The following SLC52A1 variants were observed in gnomAD, a reference collection of about 807,000 sequenced individuals.
SLC52A1 encodes solute carrier family 52 member 1, also known as solute carrier family 52, riboflavin transporter, member 1.
Under a neutral mutation model 23.2 loss-of-function variants are expected in SLC52A1, and 20 were observed. The ratio of observed to expected loss-of-function variants is 0.86; its 90% CI spans 0.61 to 1.25. The LOEUF is 1.25. Among genes scored for constraint, SLC52A1 ranks in the 50% most tolerant of loss-of-function variants. The probability of loss-of-function intolerance (pLI) is 0.00; values close to 1 mark genes in which losing one functional copy is unlikely to be tolerated. For missense variants in SLC52A1, 528 were observed against 557.0 expected (o/e 0.95, Z 0.52); for synonymous variants, 260 against 256.6 (o/e 1.01, Z -0.13).
At chr17:5,037,246 G>A (rs191603349), upstream of SLC52A1, among the ~76,000 whole-genome samples, 144 of 152,266 alleles carry the variant, frequency 9.5e-4, 4 homozygotes, top group East Asian at 9.9e-3. Flanking sequence ...TAGGCCAGGC[G>A]TGGTGGCTCA....
rs1473524198 is a variant in SLC52A1 at position 5,033,509 on chromosome 17, G to A, written c.980C>T (p.Ala327Val). Reference protein sequence around the residue: ...VVLGSAANPLACFLAMGVLCR... With the variant: ...VVLGSAANPLVCFLAMGVLCR... ...CAGCACGCCCATGGCCAGGAAGCAG[G>A]CAAGGGGGTTGGCGGCACTGCCCAG... is the stretch of plus-strand genomic sequence containing the variant. Residue 327 changes from alanine (A) to valine (V), a missense_variant, in exon 3 of 5, where the codon GCC (alanine) becomes GTC (valine). Transcript: ENST00000254853. 1 of 1,612,834 alleles carries A rather than the reference G, an allele frequency of 6.2e-7. No homozygotes were observed. The highest frequency in any genetic ancestry group is 1.7e-5 in the Admixed American group (1 of 59,886).
At chr17:5,040,524 G>A (rs971746165) in intron 1 of SLC52A1, among the ~76,000 whole-genome samples, 4 of 152,140 alleles carry the variant, frequency 2.6e-5, no homozygotes, top group Non-Finnish European at 5.9e-5. Context: ...GATAAGATCT[G>A]TCATTGTGGT....
chr17:5,036,040 CTTTTTTTTTT>C (rs34027393), upstream of SLC52A1, among the ~76,000 whole-genome samples: 1 of 69,796 alleles, frequency 1.4e-5, no homozygotes, highest in Non-Finnish European at 2.6e-5. Context: ...TGTTTTTACA[CTTTTTTTTTT>C]TTTTTTTTTT....
chr17:5,040,827 A>G (rs1024420711), intron 1 of SLC52A1, among the ~76,000 whole-genome samples: 4 of 148,640 alleles, frequency 2.7e-5, no homozygotes, highest in African/African-American at 9.9e-5. Context: ...ATGGAGTCTC[A>G]CTCTGTAACC....
At chr17:5,040,201 T>C (rs967387051), upstream of SLC52A1, among the ~76,000 whole-genome samples, 8 of 151,882 alleles carry the variant, frequency 5.3e-5, no homozygotes, top group African/African-American at 1.7e-4. Flanking sequence ...TGAGACAGGG[T>C]GTTGCTCTGT....
At chr17:5,038,548 C>T (rs1308702787), upstream of SLC52A1, among the ~76,000 whole-genome samples, 1 of 152,102 alleles carries the variant, frequency 6.6e-6, no homozygotes, top group African/African-American at 2.4e-5. Flanking sequence ...GTTTCTAATA[C>T]TCCAAGAGGA....
chr17:5,032,935 T>C lies in SLC52A1; in HGVS notation c.*22A>G, dbSNP rs747981648. ...CACGATGAAGACAGGTGGGGTGGAG[T>C]TGGGTCCCCACCTGCCCAGGCTCAG... is the stretch of plus-strand genomic sequence containing the variant. On this transcript the variant is annotated 3_prime_UTR_variant, in exon 5 of 5. Transcript: ENST00000254853. 22 of 1,594,850 alleles carry C rather than the reference T, an allele frequency of 1.4e-5. No individual in the cohort carries two copies. The African/African-American group carries it at 2.8e-4, about 20-fold the overall frequency.
intron 1 of SLC52A1, among the ~76,000 whole-genome samples, chr17:5,042,319 G>C (rs1468701055): frequency 6.6e-6 from 1 of 152,138 alleles, no homozygotes; most frequent in Admixed American, 6.6e-5. Flanking sequence ...TCCCGTGTCT[G>C]TGTAGAGAAA....
rs72822610 is a variant in SLC52A1, at chr17:5,033,041, A to T, written c.1263T>A (p.Leu421=). Residue 421 remains leucine, a synonymous_variant, in exon 5 of 5, where the codon CTT becomes CTA. Coordinates refer to ENST00000254853, the MANE Select transcript of SLC52A1 (RefSeq NM_017986.4). ...AGVAIQVGSL[L]GAGAMFPPTS... ...TGGGAGGGAACATGGCACCGGCACC[A>T]AGCAGGGAGCCCACTTGGATGGCCA... 0.14 allele frequency: 222,046 copies of T among 1,613,508 alleles called. 16,168 individuals carry two copies. The highest frequency in any genetic ancestry group is 0.14 in the Non-Finnish European group (171,073 of 1,179,966).
chr17:5,037,931 T>G (rs1001490164), upstream of SLC52A1, among the ~76,000 whole-genome samples: 4 of 147,206 alleles, frequency 2.7e-5, no homozygotes, highest in African/African-American at 5.0e-5. Context: ...TTTTTTTTTT[T>G]TTTTTGAGAC....
chr17:5,035,281 C>T lies in SLC52A1; in HGVS notation c.-528G>A, dbSNP rs1975430843. 6.6e-6 allele frequency: 1 copy of T among 152,554 alleles called. No homozygotes were observed. The highest frequency in any genetic ancestry group is 2.4e-5 in the African/African-American group (1 of 41,442). 9.5% of individuals were successfully genotyped at this position (152,554 alleles called of 1,614,324 possible). A position where few individuals can be genotyped will look rare whatever the true frequency, so the allele number is the denominator to read the frequency against. ...CAAGATCACACCACTGCATTCCAGC[C>T]TGGGCGACAGAACGAGATTCGGTCT... On this transcript the variant is annotated 5_prime_UTR_variant, in exon 1 of 5. Coordinates refer to ENST00000254853, the MANE Select transcript of SLC52A1 (RefSeq NM_017986.4).
intron 1 of SLC52A1, among the ~76,000 whole-genome samples, chr17:5,041,911 C>G (rs1975549382): frequency 6.6e-6 from 1 of 152,262 alleles, no homozygotes; most frequent in Non-Finnish European, 1.5e-5. Context: ...CGCACCCGGC[C>G]TATTTTTAAG....
chr17:5,037,724 T>A (rs1304303560), upstream of SLC52A1, among the ~76,000 whole-genome samples: 2 of 152,122 alleles, frequency 1.3e-5, no homozygotes, highest in African/African-American at 4.8e-5. Flanking sequence ...TCTATCTCCC[T>A]CACTAGGATG....
At chr17:5,039,175 C>G (rs1975515418), upstream of SLC52A1, among the ~76,000 whole-genome samples, 3 of 151,576 alleles carry the variant, frequency 2.0e-5, no homozygotes, top group South Asian at 6.3e-4. Flanking sequence ...ATACAAAAAT[C>G]AGCTGGGCTT....
At chr17:5,036,227 G>A (rs944642317), upstream of SLC52A1, among the ~76,000 whole-genome samples, 1 of 150,010 alleles carries the variant, frequency 6.7e-6, no homozygotes, top group Non-Finnish European at 1.5e-5. Context: ...ACAGGGTCTC[G>A]CCATGTTAGC....
In SLC52A1 at chr17:5,034,569, T is replaced by TG. The variant is rs763299174; in HGVS notation, c.37dup (p.His13ProfsTer117). 6.2e-7 allele frequency: 1 copy of TG among 1,614,100 alleles called. No individual in the cohort carries two copies. The highest frequency in any genetic ancestry group is 8.5e-7 in the Non-Finnish European group (1 of 1,180,024). ...CATGCCAAAAAGGGCCACCAGCAGG[T>TG]GGGTCAGCACCAGACGGCCCAGCGT... On this transcript the variant is annotated frameshift_variant, in exon 2 of 5. Transcript: ENST00000254853. LOFTEE classifies it high-confidence loss of function.
rs759997080 is a variant in SLC52A1, at chr17:5,032,963, G to A, written c.1341C>T (p.Gly447=). 8 of 1,612,132 alleles carry A rather than the reference G, an allele frequency of 5.0e-6. No individual in the cohort carries two copies. Among genetic ancestry groups the A allele is most frequent in the Admixed American group, 1.7e-5 (1 of 59,976 alleles). ...GGTCCCCACCTGCCCAGGCTCAGGG[G>A]CCACAGGGGTCTACACAGTCCTTTC... The part of the protein sequence containing the change: ...QSRKDCVDPC[G]P The change falls in exon 5 of 5, where the codon GGC becomes GGT. Residue 447 remains glycine, a synonymous_variant. Coordinates refer to ENST00000254853, the MANE Select transcript of SLC52A1 (RefSeq NM_017986.4).
rs759997080 is a variant in SLC52A1 at position 5,032,963 on chromosome 17, G to T, written c.1341C>A (p.Gly447=). 3 of 1,612,132 alleles carry T rather than the reference G, an allele frequency of 1.9e-6. 1 individual carries two copies. The South Asian group carries it at 3.3e-5, about 18-fold the overall frequency. ...GGTCCCCACCTGCCCAGGCTCAGGG[G>T]CCACAGGGGTCTACACAGTCCTTTC... ...QSRKDCVDPC[G]P Residue 447 remains glycine, a synonymous_variant, in exon 5 of 5, where the codon GGC becomes GGA. Coordinates refer to ENST00000254853, the MANE Select transcript of SLC52A1 (RefSeq NM_017986.4).
chr17:5,032,916 G>A lies in SLC52A1; in HGVS notation c.*41C>T. The A allele has an allele frequency of 6.4e-7, 1 of 1,573,206 alleles. No individual in the cohort carries two copies. The highest frequency in any genetic ancestry group is 8.7e-7 in the Non-Finnish European group (1 of 1,146,234). ...TCAGGCACTGTGGCAGCCTCACGAT[G>A]AAGACAGGTGGGGTGGAGTTGGGTC... is the stretch of plus-strand genomic sequence containing the variant. On this transcript the variant is annotated 3_prime_UTR_variant, in exon 5 of 5. Coordinates refer to ENST00000254853, the MANE Select transcript of SLC52A1 (RefSeq NM_017986.4).
Sources: allele counts gnomAD v4.1 joint callset (sites outside exome capture counted in the v4.1 genomes callset), GRCh38; gene constraint gnomAD v4.1.1; transcripts MANE v1.5; gene names NCBI Gene and HGNC (gene_info 2026-07-23, HGNC 2026-07-21).